The following PLCB1 variants were observed in gnomAD, a reference collection of about 807,000 sequenced individuals.
The protein encoded by PLCB1 is 1-phosphatidylinositol 4,5-bisphosphate phosphodiesterase beta-1.
Under a neutral mutation model 161.8 loss-of-function variants are expected in PLCB1, and 46 were observed. The observed-to-expected ratio is 0.28, with a 90% CI of 0.22 to 0.36. PLCB1 has a LOEUF of 0.36. Ranked by LOEUF, PLCB1 falls within the 10% of genes least tolerant of loss-of-function variation. PLCB1 has a pLI of 1.00. For synonymous variants in PLCB1, 517 were observed against 503.7 expected (o/e 1.03, Z -0.35); for missense variants, 1,016 against 1,472.5 (o/e 0.69, Z 5.07).
At chr20:8,798,197 GAA>G (rs5840289) in intron 31 of PLCB1, among the ~76,000 whole-genome samples, 26 of 140,406 alleles carry the variant, frequency 1.9e-4, no homozygotes, top group East Asian at 6.3e-4. Context: ...ACTCTATATC[GAA>G]AAAAAAAAAA....
intron 2 of PLCB1, among the ~76,000 whole-genome samples, chr20:8,267,790 G>T (rs565322867): frequency 6.6e-6 from 1 of 152,060 alleles, no homozygotes; most frequent in South Asian, 2.1e-4. Flanking sequence ...TTGGTTACTT[G>T]GTTACACCCT....
chr20:8,402,236 A>G (rs1344699385), intron 3 of PLCB1, among the ~76,000 whole-genome samples: 1 of 152,042 alleles, frequency 6.6e-6, no homozygotes, highest in African/African-American at 2.4e-5. Flanking sequence ...TGTATTTTTT[A>G]TTGGTATTTC....
chr20:8,289,247 G>A (rs991011395), intron 2 of PLCB1, among the ~76,000 whole-genome samples: 3 of 152,192 alleles, frequency 2.0e-5, no homozygotes, highest in Non-Finnish European at 4.4e-5. Context: ...GTCTAACACT[G>A]CTTTAAACAA....
At chr20:8,775,127 A>T (rs966018295) in intron 27 of PLCB1, among the ~76,000 whole-genome samples, 21 of 114,022 alleles carry the variant, frequency 1.8e-4, no homozygotes, top group African/African-American at 3.6e-4. Flanking sequence ...GAATTTTTTT[A>T]AAATTATACA....
intron 31 of PLCB1, among the ~76,000 whole-genome samples, chr20:8,847,904 A>G (rs1381719155): frequency 6.6e-6 from 1 of 152,184 alleles, no homozygotes; most frequent in Non-Finnish European, 1.5e-5. Flanking sequence ...TACGAACAGA[A>G]ATCTATTTTC....
intron 25 of PLCB1, among the ~76,000 whole-genome samples, chr20:8,762,280 T>C (rs1267211433): frequency 6.6e-6 from 1 of 152,134 alleles, no homozygotes; most frequent in Non-Finnish European, 1.5e-5. Flanking sequence ...ACAGCAGTGT[T>C]CCTAGAATGT....
At chr20:8,226,988 A>G (rs1047383994) in intron 2 of PLCB1, among the ~76,000 whole-genome samples, 2 of 152,176 alleles carry the variant, frequency 1.3e-5, no homozygotes, top group African/African-American at 4.8e-5. Context: ...CGCCCGGCCA[A>G]GTAAAACCAA....
chr20:8,775,989 G>A lies in PLCB1; in HGVS notation c.3111+1270G>A, dbSNP rs1052049236. On this transcript the variant is annotated intron_variant, in intron 27 of 31. Coordinates refer to ENST00000338037, the MANE Select transcript of PLCB1 (RefSeq NM_015192.4). ...GGGCAGGGGTTGGATCAGGCATAGG[G>A]AGGGATTGCCTTGACAGACCTGAGC... is the stretch of plus-strand genomic sequence containing the variant. Among the ~76,000 whole-genome samples, 10 of 152,292 alleles carry A rather than the reference G, an allele frequency of 6.6e-5. 1 individual carries two copies. Among genetic ancestry groups the A allele is most frequent in the African/African-American group, 2.4e-4 (10 of 41,564 alleles).
At chr20:8,716,859 G>A (rs891479000) in intron 13 of PLCB1, among the ~76,000 whole-genome samples, 11 of 152,188 alleles carry the variant, frequency 7.2e-5, no homozygotes, top group African/African-American at 2.7e-4. Context: ...ATATCCTAAA[G>A]TAGCATTTTC....
At chr20:8,398,174 GA>G (rs1291614251) in intron 3 of PLCB1, among the ~76,000 whole-genome samples, 1 of 151,954 alleles carries the variant, frequency 6.6e-6, no homozygotes, top group Non-Finnish European at 1.5e-5. Context: ...ACCTATGCAT[GA>G]AACTAAGCCT....
At chr20:8,604,422 G>A (rs1303387305) in intron 3 of PLCB1, among the ~76,000 whole-genome samples, 1 of 151,932 alleles carries the variant, frequency 6.6e-6, no homozygotes, top group Non-Finnish European at 1.5e-5. Flanking sequence ...TTCTTATTTT[G>A]AGTACATCCT....
At chr20:8,786,681 A>AATC (rs1983500413) in intron 27 of PLCB1, among the ~76,000 whole-genome samples, 1 of 148,360 alleles carries the variant, frequency 6.7e-6, no homozygotes, top group Non-Finnish European at 1.5e-5. Flanking sequence ...AATACATGTG[A>AATC]ATCTTTTTTG....
intron 7 of PLCB1, chr20:8,651,767 A>T (rs1989329345): frequency 2.5e-6 from 1 of 394,418 alleles, no homozygotes; most frequent in Non-Finnish European, 4.5e-6. Flanking sequence ...AGACTGGAGA[A>T]CTACTATTGA....
chr20:8,722,908 A>G (rs771589285), intron 15 of PLCB1, among the ~76,000 whole-genome samples: 9 of 152,196 alleles, frequency 5.9e-5, no homozygotes, highest in Non-Finnish European at 1.0e-4. Context: ...AGTTCCAGCT[A>G]CTAGGGAGGC....
intron 3 of PLCB1, among the ~76,000 whole-genome samples, chr20:8,516,237 C>T (rs1984106716): frequency 6.6e-6 from 1 of 152,176 alleles, no homozygotes; most frequent in African/African-American, 2.4e-5. Context: ...CCTCTGAGCC[C>T]AGGTCCTCCT....
intron 3 of PLCB1, among the ~76,000 whole-genome samples, chr20:8,615,502 A>C (rs1393645802): frequency 6.6e-6 from 1 of 152,218 alleles, no homozygotes; most frequent in Non-Finnish European, 1.5e-5. Flanking sequence ...GCAACAATGC[A>C]CAGACATCTT....
At chr20:8,455,678 C>A (rs550081019) in intron 3 of PLCB1, among the ~76,000 whole-genome samples, 5 of 152,046 alleles carry the variant, frequency 3.3e-5, no homozygotes, top group Non-Finnish European at 7.4e-5. Context: ...TGTGCTGCAC[C>A]CACCTCTTAG....
chr20:8,396,421 C>G (rs1987769757), intron 3 of PLCB1, among the ~76,000 whole-genome samples: 1 of 152,044 alleles, frequency 6.6e-6, no homozygotes, highest in Non-Finnish European at 1.5e-5. Context: ...AATCCTAGCA[C>G]TACACTGCAA....
At chr20:8,473,203 A>C (rs536399374) in intron 3 of PLCB1, among the ~76,000 whole-genome samples, 1 of 152,316 alleles carries the variant, frequency 6.6e-6, no homozygotes, top group South Asian at 2.1e-4. Context: ...ACATGCAGTG[A>C]TCTTGACATA....
Sources: allele counts gnomAD v4.1 joint callset (sites outside exome capture counted in the v4.1 genomes callset), GRCh38; gene constraint gnomAD v4.1.1; transcripts MANE v1.5; gene names NCBI Gene and HGNC (gene_info 2026-07-23, HGNC 2026-07-21).